Variants in SLC71A1 observed in about 807,000 individuals in gnomAD.
The protein encoded by SLC71A1 is hippocampus abundant gene transcript 1.
chr1:100,062,914 TAAAA>T, the SLC71A1 span, among the ~76,000 whole-genome samples: 2 of 116,178 alleles, frequency 1.7e-5, no homozygotes, highest in Non-Finnish European at 1.7e-5. Flanking sequence ...TGTCTCTATT[TAAAA>T]AAAAAAAAAA....
At chr1:100,052,462 T>C in the SLC71A1 span, among the ~76,000 whole-genome samples, 3 of 142,840 alleles carry the variant, frequency 2.1e-5, no homozygotes, top group Non-Finnish European at 4.5e-5. Context: ...GGAGTCTCGC[T>C]CTGTCTGTCC....
At chr1:100,075,217 G>A in the SLC71A1 span, among the ~76,000 whole-genome samples, 1 of 152,250 alleles carries the variant, frequency 6.6e-6, no homozygotes, top group Non-Finnish European at 1.5e-5. Context: ...TGTTCCCACT[G>A]AGCTGGGAGT....
chr1:100,059,158 T>G, the SLC71A1 span, among the ~76,000 whole-genome samples: 7 of 132,072 alleles, frequency 5.3e-5, no homozygotes, highest in East Asian at 2.0e-4. Context: ...TTTTTTTTTT[T>G]TTTTTTTTTT....
the SLC71A1 span, among the ~76,000 whole-genome samples, chr1:100,073,525 C>G: frequency 6.6e-6 from 1 of 152,224 alleles, no homozygotes; most frequent in Non-Finnish European, 1.5e-5. Flanking sequence ...TGAGCTCTCA[C>G]TTCAAAAGGC....
the SLC71A1 span, chr1:100,077,355 G>T: frequency 2.7e-6 from 2 of 740,016 alleles, no homozygotes; most frequent in Non-Finnish European, 4.7e-6. Flanking sequence ...CTCAACTGAG[G>T]GGTAGACTGT....
chr1:100,080,209 G>A, the SLC71A1 span: 1 of 224,480 alleles, frequency 4.5e-6, no homozygotes, highest in African/African-American at 2.3e-5. Context: ...AACCAGCCAT[G>A]TTTTGAAGGC....
chr1:100,076,202 AGT>A, the SLC71A1 span, among the ~76,000 whole-genome samples: 1 of 152,230 alleles, frequency 6.6e-6, no homozygotes, highest in African/African-American at 2.4e-5. Context: ...TAAATTCTTA[AGT>A]GGCCATCTCA....
the SLC71A1 span, among the ~76,000 whole-genome samples, chr1:100,070,612 C>T: frequency 6.6e-6 from 1 of 152,126 alleles, no homozygotes; most frequent in African/African-American, 2.4e-5. Flanking sequence ...GGAGATATTT[C>T]ATCCTGGCTT....
the SLC71A1 span, among the ~76,000 whole-genome samples, chr1:100,050,344 G>A: frequency 6.6e-6 from 1 of 152,124 alleles, no homozygotes; most frequent in Non-Finnish European, 1.5e-5. Flanking sequence ...ATTACTTTGA[G>A]GTTCATTTAT....
chr1:100,075,517 G>C, the SLC71A1 span, among the ~76,000 whole-genome samples: 2 of 152,190 alleles, frequency 1.3e-5, no homozygotes, highest in African/African-American at 2.4e-5. Context: ...GGAGGCCACA[G>C]AGCTTTGGGT....
chr1:100,078,275 G>A, the SLC71A1 span, among the ~76,000 whole-genome samples: 3 of 152,210 alleles, frequency 2.0e-5, no homozygotes, highest in Non-Finnish European at 2.9e-5. Context: ...TTAAGTTGCT[G>A]TCTTTGTATA....
chr1:100,078,255 C>G, the SLC71A1 span, among the ~76,000 whole-genome samples: 1 of 152,230 alleles, frequency 6.6e-6, no homozygotes, highest in Non-Finnish European at 1.5e-5. Context: ...CCTCACAGCA[C>G]TCTTGTGAAT....
At chr1:100,067,630 G>A in the SLC71A1 span, among the ~76,000 whole-genome samples, 2 of 152,082 alleles carry the variant, frequency 1.3e-5, no homozygotes, top group African/African-American at 4.8e-5. Context: ...AGGCAACATA[G>A]CGTGACTTCC....
the SLC71A1 span, among the ~76,000 whole-genome samples, chr1:100,063,520 G>T: frequency 6.6e-6 from 1 of 151,984 alleles, no homozygotes; most frequent in Non-Finnish European, 1.5e-5. Context: ...AAGTTGGAGG[G>T]GCCAGGTGCA....
the SLC71A1 span, among the ~76,000 whole-genome samples, chr1:100,059,185 G>A: frequency 2.3e-4 from 21 of 90,672 alleles, no homozygotes; most frequent in Non-Finnish European, 3.7e-4. Flanking sequence ...ACAGAGTCTT[G>A]CACTGTCACC....
At chr1:100,064,552 C>G in the SLC71A1 span, among the ~76,000 whole-genome samples, 1 of 152,168 alleles carries the variant, frequency 6.6e-6, no homozygotes, top group East Asian at 1.9e-4. Flanking sequence ...ACCTGTGACC[C>G]CAAGCAACCA....
chr1:100,081,196 A>G, the SLC71A1 span, among the ~76,000 whole-genome samples: 1 of 152,158 alleles, frequency 6.6e-6, no homozygotes, highest in Non-Finnish European at 1.5e-5. Flanking sequence ...CAAAACTGGC[A>G]GTGCAAGCTT....
the SLC71A1 span, among the ~76,000 whole-genome samples, chr1:100,071,114 T>G: frequency 6.6e-6 from 1 of 151,464 alleles, no homozygotes; most frequent in African/African-American, 2.4e-5. Context: ...CTTTTTAACT[T>G]TGGAGGAAAA....
At chr1:100,073,714 G>T in the SLC71A1 span, among the ~76,000 whole-genome samples, 2 of 152,188 alleles carry the variant, frequency 1.3e-5, no homozygotes, top group East Asian at 3.8e-4. Flanking sequence ...GCGTCTTCAG[G>T]CCAAGAATAA....
Sources: gnomAD v4.1 joint callset for allele counts (sites outside exome capture counted in the v4.1 genomes callset) on GRCh38, gnomAD v4.1.1 for gene constraint, MANE v1.5 for transcripts, NCBI Gene and HGNC (gene_info 2026-07-23, HGNC 2026-07-21) for gene names.